Variants in LRRIQ3 observed in about 807,000 individuals in gnomAD.
LRRIQ3 encodes leucine-rich repeat and IQ domain-containing protein 3.
LRRIQ3 carries 75 observed loss-of-function variants against 59.3 expected under a neutral mutation model. The ratio of observed to expected loss-of-function variants is 1.26; its 90% CI spans 1.05 to 1.53. LRRIQ3 has a LOEUF of 1.53. Ranked by LOEUF, LRRIQ3 falls within the 40% of genes most tolerant of loss-of-function variation. The pLI, the probability that LRRIQ3 is intolerant of heterozygous loss-of-function variation, is 0.00. For synonymous variants in LRRIQ3, 250 were observed against 231.3 expected, an observed-to-expected ratio of 1.08 and a Z score of -0.73; for missense variants, 831 against 710.0, an observed-to-expected ratio of 1.17 and a Z score of -1.94.
intron 3 of LRRIQ3, among the ~76,000 whole-genome samples, chr1:74,164,511 AAATAC>A (rs2100686416): frequency 6.6e-6 from 1 of 151,580 alleles, no homozygotes; most frequent in East Asian, 1.9e-4. Context: ...GTAAATAAAT[AAATAC>A]ATTTCTCTTT....
chr1:74,104,313 C>A lies in LRRIQ3; in HGVS notation c.867+5081G>T, dbSNP rs150492028. 4.1e-3 allele frequency among the ~76,000 whole-genome samples: 619 copies of A among 152,064 alleles called. 2 individuals carry two copies. The highest frequency in any genetic ancestry group is 6.7e-3 in the Non-Finnish European group (454 of 67,946). ...CTGTTTGTATGACATTCTCGTCATACAATCCAGCAATTGTATTCCTTGGTA... is the reference window on the plus strand; with the variant it reads ...CTGTTTGTATGACATTCTCGTCATAAAATCCAGCAATTGTATTCCTTGGTA... On this transcript the variant is annotated intron_variant, in intron 5 of 7. Coordinates refer to ENST00000354431, the MANE Select transcript of LRRIQ3 (RefSeq NM_001105659.2).
intron 3 of LRRIQ3, among the ~76,000 whole-genome samples, chr1:74,172,238 TATC>T (rs1343668040): frequency 2.6e-5 from 4 of 152,148 alleles, no homozygotes; most frequent in African/African-American, 4.8e-5. Context: ...AAACCTCCCT[TATC>T]ATACTGCTTT....
At chr1:74,055,232 G>T (rs1301077735) in intron 6 of LRRIQ3, among the ~76,000 whole-genome samples, 1 of 143,054 alleles carries the variant, frequency 7.0e-6, no homozygotes, top group Non-Finnish European at 1.5e-5. Context: ...ACATATAAAG[G>T]GTATGATTCA....
At chr1:74,076,067 T>C (rs1178373872) in intron 5 of LRRIQ3, among the ~76,000 whole-genome samples, 1 of 152,068 alleles carries the variant, frequency 6.6e-6, no homozygotes, top group Non-Finnish European at 1.5e-5. Flanking sequence ...GGAATGAAAT[T>C]TGGGCCCGTT....
At chr1:74,119,764 C>A (rs2100583229) in intron 4 of LRRIQ3, among the ~76,000 whole-genome samples, 1 of 152,180 alleles carries the variant, frequency 6.6e-6, no homozygotes, top group Non-Finnish European at 1.5e-5. Context: ...TTTAGGGGCC[C>A]TTGTTATTCT....
At chr1:74,124,460 C>G (rs951688999) in intron 4 of LRRIQ3, among the ~76,000 whole-genome samples, 1 of 151,874 alleles carries the variant, frequency 6.6e-6, no homozygotes, top group Non-Finnish European at 1.5e-5. Context: ...AGAATTTCCC[C>G]AACGTTTTCT....
chr1:74,128,087 A>G (rs1004834340), intron 4 of LRRIQ3, among the ~76,000 whole-genome samples: 5 of 152,028 alleles, frequency 3.3e-5, no homozygotes, highest in African/African-American at 9.7e-5. Context: ...CTGTTGCCAG[A>G]TATATTGGAG....
At chr1:74,128,761 T>C (rs112036815) in intron 4 of LRRIQ3, among the ~76,000 whole-genome samples, 3,250 of 152,142 alleles carry the variant, frequency 0.021, 116 homozygotes, top group African/African-American at 0.074. Flanking sequence ...TTCAGATATT[T>C]AAAGGAATTT....
chr1:74,060,071 G>T (rs1182455803), intron 6 of LRRIQ3, among the ~76,000 whole-genome samples: 1 of 151,820 alleles, frequency 6.6e-6, no homozygotes, highest in East Asian at 1.9e-4. Flanking sequence ...ATTGTTCATT[G>T]TATTCCTTTA....
intron 6 of LRRIQ3, among the ~76,000 whole-genome samples, chr1:74,058,556 A>G (rs1035135581): frequency 6.6e-6 from 1 of 152,080 alleles, no homozygotes; most frequent in African/African-American, 2.4e-5. Flanking sequence ...AGTGGTTTCC[A>G]GAGGCTGGAG....
chr1:74,117,553 G>A (rs926994702), intron 4 of LRRIQ3, among the ~76,000 whole-genome samples: 1 of 152,106 alleles, frequency 6.6e-6, no homozygotes, highest in Non-Finnish European at 1.5e-5. Context: ...ATCACTTGAG[G>A]TCAGGAGTTC....
chr1:74,027,046 GATA>G, intron 7 of LRRIQ3, 77 bp from the exon 8 acceptor site: 1 of 973,212 alleles, frequency 1.0e-6, no homozygotes, highest in Non-Finnish European at 1.5e-6. Flanking sequence ...GACTATTAAT[GATA>G]ATAATTAGAT....
chr1:74,037,763 G>A (rs1450306681), intron 7 of LRRIQ3, among the ~76,000 whole-genome samples: 1 of 152,196 alleles, frequency 6.6e-6, no homozygotes, highest in Non-Finnish European at 1.5e-5. Context: ...AGCCACACGG[G>A]GCAGGGGAGC....
intron 5 of LRRIQ3, among the ~76,000 whole-genome samples, chr1:74,095,846 T>G (rs561851717): frequency 6.0e-4 from 91 of 152,172 alleles, no homozygotes; most frequent in African/African-American, 2.1e-3. Flanking sequence ...ATGATAAAAA[T>G]TATATCTGAT....
intron 5 of LRRIQ3, among the ~76,000 whole-genome samples, chr1:74,106,803 G>C (rs1015699500): frequency 6.6e-6 from 1 of 151,926 alleles, no homozygotes; most frequent in Admixed American, 6.6e-5. Context: ...TATCATAATA[G>C]TATACAAGTT....
chr1:74,182,150 CA>C (rs1306059288), intron 3 of LRRIQ3: 5 of 151,860 alleles, frequency 3.3e-5, no homozygotes, highest in Non-Finnish European at 7.4e-5. Context: ...GTCAAATAAC[CA>C]AATCAATTGT....
chr1:74,129,494 T>A (rs2100605821), intron 4 of LRRIQ3, among the ~76,000 whole-genome samples: 1 of 152,070 alleles, frequency 6.6e-6, no homozygotes, highest in African/African-American at 2.4e-5. Context: ...TGAGCTCCCC[T>A]CTGGACCAGA....
At chr1:74,135,039 C>T (rs943555347) in intron 4 of LRRIQ3, among the ~76,000 whole-genome samples, 2 of 151,860 alleles carry the variant, frequency 1.3e-5, no homozygotes, top group African/African-American at 4.8e-5. Flanking sequence ...AGATGCGAAT[C>T]AGCCAAAAGT....
intron 7 of LRRIQ3, among the ~76,000 whole-genome samples, chr1:74,030,350 A>C (rs1176277448): frequency 6.6e-6 from 1 of 152,160 alleles, no homozygotes; most frequent in Non-Finnish European, 1.5e-5. Flanking sequence ...ATGCTACCTG[A>C]CTTCAAACTA....
Sources: gnomAD v4.1 joint callset for allele counts (sites outside exome capture counted in the v4.1 genomes callset) on GRCh38, gnomAD v4.1.1 for gene constraint, MANE v1.5 for transcripts, NCBI Gene and HGNC (gene_info 2026-07-23, HGNC 2026-07-21) for gene names.